The following RGS6 variants were observed in gnomAD, a reference collection of about 807,000 sequenced individuals.
RGS6 encodes regulator of G-protein signaling 6.
RGS6 carries 30 observed loss-of-function variants against 78.5 expected under a neutral mutation model. The ratio of observed to expected loss-of-function variants is 0.38; its 90% CI spans 0.29 to 0.52. The LOEUF (loss-of-function observed/expected upper bound fraction) is 0.52, where lower values mean the gene tolerates loss of function less well. Ranked by LOEUF, RGS6 falls within the 20% of genes least tolerant of loss-of-function variation. The pLI is 0.85. For synonymous variants in RGS6, 206 were observed against 206.0 expected (o/e 1.00, Z 0.00); for missense variants, 495 against 609.7 (o/e 0.81, Z 1.98).
chr14:72,114,728 A>G (rs2095848666), intron 2 of RGS6, among the ~76,000 whole-genome samples: 1 of 152,190 alleles, frequency 6.6e-6, no homozygotes, highest in African/African-American at 2.4e-5. Flanking sequence ...ATTCTAGAGG[A>G]TTAGGGAGAC....
intron 2 of RGS6, among the ~76,000 whole-genome samples, chr14:72,085,514 C>T (rs2094992486): frequency 6.6e-6 from 1 of 152,142 alleles, no homozygotes; most frequent in Admixed American, 6.5e-5. Flanking sequence ...ACACAGCTTA[C>T]TTCCAAGAGT....
chr14:72,105,981 C>T (rs2095624789), intron 2 of RGS6, among the ~76,000 whole-genome samples: 1 of 152,166 alleles, frequency 6.6e-6, no homozygotes, highest in Admixed American at 6.5e-5. Context: ...GCGTAGGTCC[C>T]AAGGACATTC....
At chr14:72,086,784 G>T (rs1271911791) in intron 2 of RGS6, among the ~76,000 whole-genome samples, 1 of 152,160 alleles carries the variant, frequency 6.6e-6, no homozygotes, top group Admixed American at 6.5e-5. Context: ...CAAGTAAGTG[G>T]CTGGAAACCT....
intron 2 of RGS6, among the ~76,000 whole-genome samples, chr14:72,039,498 G>T (rs2092147578): frequency 6.6e-6 from 1 of 151,864 alleles, no homozygotes; most frequent in African/African-American, 2.4e-5. Context: ...GTCTAATATT[G>T]GTATAGCTAC....
At chr14:71,951,925 T>C (rs1301771664) in intron 1 of RGS6, among the ~76,000 whole-genome samples, 1 of 152,150 alleles carries the variant, frequency 6.6e-6, no homozygotes, top group Admixed American at 6.6e-5. Flanking sequence ...AAAAATACAA[T>C]TGAGTTTTAT....
intron 2 of RGS6, among the ~76,000 whole-genome samples, chr14:72,081,339 A>G (rs946103834): frequency 2.0e-5 from 3 of 152,074 alleles, no homozygotes; most frequent in South Asian, 2.1e-4. Context: ...GAAATGCTGC[A>G]TCAGCACTAA....
intron 3 of RGS6, among the ~76,000 whole-genome samples, chr14:72,439,944 CCTCTAGTTGTTG>C (rs1284423152): frequency 6.6e-6 from 1 of 152,204 alleles, no homozygotes; most frequent in South Asian, 2.1e-4. Context: ...TTGGAAACTT[CCTCTAGTTGTTG>C]CTCTAGCCGC....
At chr14:71,915,454 G>A in the RGS6 span, among the ~76,000 whole-genome samples, 6 of 152,202 alleles carry the variant, frequency 3.9e-5, no homozygotes, top group African/African-American at 1.4e-4. Flanking sequence ...ATGCCTGTGA[G>A]TTCCCTGGGT....
chr14:72,593,828 T>A, the RGS6 span, among the ~76,000 whole-genome samples: 1 of 152,136 alleles, frequency 6.6e-6, no homozygotes, highest in Non-Finnish European at 1.5e-5. Flanking sequence ...CACCTCTTCT[T>A]AGAATGTCCA....
At chr14:72,010,299 A>G (rs1288303635) in intron 2 of RGS6, among the ~76,000 whole-genome samples, 1 of 152,214 alleles carries the variant, frequency 6.6e-6, no homozygotes, top group Non-Finnish European at 1.5e-5. Flanking sequence ...AAGTTCAGAC[A>G]AATTAACTTT....
chr14:72,383,142 A>G (rs1360626965), intron 3 of RGS6, among the ~76,000 whole-genome samples: 1 of 143,404 alleles, frequency 7.0e-6, no homozygotes, highest in Non-Finnish European at 1.5e-5. Context: ...TTATATAAAC[A>G]TATATACTAT....
At chr14:72,586,195 T>G in the RGS6 span, among the ~76,000 whole-genome samples, 11 of 152,178 alleles carry the variant, frequency 7.2e-5, no homozygotes, top group East Asian at 5.8e-4. Flanking sequence ...GGCTTGGATA[T>G]GGTCTGTTTG....
At position 72,123,724 on chromosome 14, in the gene RGS6, C is replaced by T. The variant is rs117672291; in HGVS notation, c.84+158849C>T. Among the ~76,000 whole-genome samples, 12 of 152,194 alleles carry T rather than the reference C, an allele frequency of 7.9e-5. No homozygotes were observed. The South Asian group carries it at 1.9e-3, about 24-fold the overall frequency. ...CGAAGTTTAGGTGATAATTATTTTC[C>T]GAAGTCTGACCTGCCCAAGACCTTA... On this transcript the variant is annotated intron_variant, in intron 2 of 17. Transcript: ENST00000553525.
At chr14:72,602,453 A>T in the RGS6 span, among the ~76,000 whole-genome samples, 9 of 152,276 alleles carry the variant, frequency 5.9e-5, no homozygotes, top group Non-Finnish European at 1.3e-4. Flanking sequence ...ATTGAGGCTC[A>T]TGGAGGTTAT....
At chr14:72,293,655 G>A (rs912542103) in intron 2 of RGS6, among the ~76,000 whole-genome samples, 1 of 152,206 alleles carries the variant, frequency 6.6e-6, no homozygotes, top group Non-Finnish European at 1.5e-5. Context: ...CAAGTAGTCA[G>A]TAGCACCCTT....
chr14:72,191,649 C>A (rs920909917), intron 2 of RGS6, among the ~76,000 whole-genome samples: 1 of 152,184 alleles, frequency 6.6e-6, no homozygotes, highest in African/African-American at 2.4e-5. Context: ...ATGGGCAAGA[C>A]CCGCCTCCAT....
chr14:72,618,066 T>TC, the RGS6 span, among the ~76,000 whole-genome samples: 1 of 151,796 alleles, frequency 6.6e-6, no homozygotes, highest in African/African-American at 2.4e-5. Flanking sequence ...ACATTTTTTT[T>TC]TGAAAACAAG....
chr14:72,011,020 TAATGG>T (rs2085572701), intron 2 of RGS6, among the ~76,000 whole-genome samples: 3 of 152,202 alleles, frequency 2.0e-5, no homozygotes, highest in Non-Finnish European at 4.4e-5. Flanking sequence ...CCAAAATATT[TAATGG>T]AATGAAGTGT....
chr14:72,197,362 G>A (rs768312590), intron 2 of RGS6, among the ~76,000 whole-genome samples: 60 of 152,190 alleles, frequency 3.9e-4, no homozygotes, highest in African/African-American at 7.5e-4. Flanking sequence ...CACTGCACCC[G>A]GCCAAATGTT....
Sources: gnomAD v4.1 joint callset for allele counts (sites outside exome capture counted in the v4.1 genomes callset) on GRCh38, gnomAD v4.1.1 for gene constraint, MANE v1.5 for transcripts, NCBI Gene and HGNC (gene_info 2026-07-23, HGNC 2026-07-21) for gene names.